RYR2: variants seen among roughly 807,000 people sequenced by gnomAD.
RYR2 encodes ryanodine receptor 2.
RYR2 carries 227 observed loss-of-function variants against 601.1 expected under a neutral mutation model. The ratio of observed to expected loss-of-function variants is 0.38; its 90% CI spans 0.34 to 0.42. The LOEUF (loss-of-function observed/expected upper bound fraction) is 0.42. RYR2 is among the 10% of genes least tolerant of loss of function. The pLI is 1.00. For synonymous variants in RYR2, 2,223 were observed against 2,175.1 expected (o/e 1.02, Z -0.61); for missense variants, 4,646 against 6,156.5 (o/e 0.75, Z 8.21).
At chr1:237,126,195 C>A (rs1476982147) in intron 1 of RYR2, among the ~76,000 whole-genome samples, 1 of 151,632 alleles carries the variant, frequency 6.6e-6, no homozygotes, top group Non-Finnish European at 1.5e-5. Flanking sequence ...CGAGATCATG[C>A]CACTGTACTC....
intron 63 of RYR2, among the ~76,000 whole-genome samples, chr1:237,691,851 C>T (rs1686972199): frequency 6.6e-6 from 1 of 152,162 alleles, no homozygotes; most frequent in South Asian, 2.1e-4. Flanking sequence ...CCAGGTAGGA[C>T]ATAAATAGGA....
intron 29 of RYR2, 62 bp downstream of exon 29, chr1:237,569,381 G>A (rs1672424971): frequency 5.3e-6 from 8 of 1,521,018 alleles, no homozygotes; most frequent in Admixed American, 1.9e-5. Context: ...TTCATCCTGA[G>A]GCTTCCTAAC....
At chr1:237,822,541 A>G (rs2819738) in intron 101 of RYR2, among the ~76,000 whole-genome samples, 39,970 of 152,090 alleles carry the variant, frequency 0.26, 5,710 homozygotes, top group East Asian at 0.61. Flanking sequence ...ATTAAACATG[A>G]AAAGGAACAA....
intron 1 of RYR2, among the ~76,000 whole-genome samples, chr1:237,071,530 A>T (rs1458421283): frequency 6.6e-6 from 1 of 152,134 alleles, no homozygotes; most frequent in East Asian, 1.9e-4. Flanking sequence ...GGCCGAGTCC[A>T]GGGTTTTTAT....
intron 1 of RYR2, among the ~76,000 whole-genome samples, chr1:237,134,609 A>G (rs1672554924): frequency 6.6e-6 from 1 of 152,218 alleles, no homozygotes; most frequent in South Asian, 2.1e-4. Flanking sequence ...CTACAATTCA[A>G]GATGAGATTT....
chr1:237,563,481 T>C (rs1671667263), intron 27 of RYR2, among the ~76,000 whole-genome samples: 1 of 151,896 alleles, frequency 6.6e-6, no homozygotes. Context: ...AGTCCTTTTT[T>C]TTTTGTGAAG....
chr1:237,044,110 C>T (rs1660258743), intron 1 of RYR2, among the ~76,000 whole-genome samples: 2 of 152,160 alleles, frequency 1.3e-5, no homozygotes, highest in South Asian at 4.2e-4. Flanking sequence ...AGAGCCTCTT[C>T]ACTAATACCT....
At position 237,775,906 on chromosome 1, in the gene RYR2, C is replaced by T. The variant is rs911320004; in HGVS notation, c.11775+2258C>T. 3.3e-5 allele frequency among the ~76,000 whole-genome samples: 5 copies of T among 152,256 alleles called. No individual in the cohort carries two copies. In the South Asian group the frequency reaches 1.0e-3, roughly 32 times the overall value. ...AAGGTTGAGCAAGCCCTGCAAAGGA[C>T]ATTCTGTGTGTTTCAGGTTTTAAAA... On this transcript the variant is annotated intron_variant, in intron 87 of 104. Coordinates refer to ENST00000366574, the MANE Select transcript of RYR2 (RefSeq NM_001035.3).
chr1:237,711,741 T>C lies in RYR2; in HGVS notation c.10231-4T>C, dbSNP rs117180147. The C allele has an allele frequency of 2.7e-4, 411 of 1,538,886 alleles. 6 individuals carry two copies. In the East Asian group the frequency reaches 5.7e-3, roughly 21 times the overall value. On this transcript the variant is annotated splice_polypyrimidine_tract_variant and splice_region_variant and intron_variant, in intron 70 of 104. Coordinates refer to ENST00000366574, the MANE Select transcript of RYR2 (RefSeq NM_001035.3). ...TAACTGAAATTTCCTTTGCAACTTC[T>C]CAGAATTTCAAAAGAGAAGAGCAGA... is the stretch of plus-strand genomic sequence containing the variant.
intron 1 of RYR2, among the ~76,000 whole-genome samples, chr1:237,178,453 T>C (rs1678319480): frequency 6.7e-6 from 1 of 149,094 alleles, no homozygotes; most frequent in Non-Finnish European, 1.5e-5. Flanking sequence ...TGTGTGTGTG[T>C]GTGTGTGTGT....
chr1:237,538,287 C>T (rs549025345), intron 25 of RYR2, among the ~76,000 whole-genome samples: 1 of 147,642 alleles, frequency 6.8e-6, no homozygotes, highest in Admixed American at 6.8e-5. Context: ...CCCAGCCACT[C>T]GGGAGGCTGA....
chr1:237,533,934 AATG>A (rs1479607927), intron 25 of RYR2, among the ~76,000 whole-genome samples: 2 of 152,088 alleles, frequency 1.3e-5, no homozygotes, highest in African/African-American at 4.8e-5. Context: ...GTTATTTTAT[AATG>A]ATTTTTTAAA....
chr1:237,607,865 T>C (rs1031505928), intron 35 of RYR2, among the ~76,000 whole-genome samples: 1 of 152,208 alleles, frequency 6.6e-6, no homozygotes, highest in Non-Finnish European at 1.5e-5. Flanking sequence ...TTATTTGAGC[T>C]CAGTTTCTGC....
In RYR2 at chr1:237,090,042, A is replaced by G. The variant is rs192998772; in HGVS notation, c.48+47473A>G. On this transcript the variant is annotated intron_variant, in intron 1 of 104. Coordinates refer to ENST00000366574, the MANE Select transcript of RYR2 (RefSeq NM_001035.3). ...ACCTCTTCACAGGGCGGCAGGAGAG[A>G]GAATGAGTGCTGAGTGAAGGCAGGA... 4.3e-4 allele frequency among the ~76,000 whole-genome samples: 65 copies of G among 152,282 alleles called. 2 individuals carry two copies. In the East Asian group the frequency reaches 0.011, roughly 25 times the overall value.
intron 7 of RYR2, among the ~76,000 whole-genome samples, chr1:237,376,412 C>T (rs1410836370): frequency 6.6e-6 from 1 of 152,054 alleles, no homozygotes; most frequent in Admixed American, 6.5e-5. Context: ...CAAAACATAC[C>T]AAGTCCCACT....
intron 1 of RYR2, among the ~76,000 whole-genome samples, chr1:237,194,964 A>C (rs749276230): frequency 1.3e-5 from 2 of 152,176 alleles, no homozygotes; most frequent in Non-Finnish European, 2.9e-5. Flanking sequence ...ATGTGTGTAC[A>C]AGTGGCTCAC....
intron 2 of RYR2, among the ~76,000 whole-genome samples, chr1:237,304,206 C>A (rs886743395): frequency 2.0e-5 from 3 of 152,160 alleles, no homozygotes; most frequent in African/African-American, 7.2e-5. Context: ...GTGTTCATTT[C>A]TTACCTTGGA....
intron 17 of RYR2, among the ~76,000 whole-genome samples, chr1:237,481,115 T>TATGTATATATATATATATGTATATAC (rs1662029786): frequency 1.3e-5 from 1 of 74,886 alleles, no homozygotes; most frequent in African/African-American, 1.2e-4. Flanking sequence ...TACATATATA[T>TATGTATATATATATATATGTATATAC]ATATATATAT....
At chr1:237,080,492 A>T (rs900441857) in intron 1 of RYR2, among the ~76,000 whole-genome samples, 3 of 70,340 alleles carry the variant, frequency 4.3e-5, no homozygotes, top group African/African-American at 1.5e-4. Flanking sequence ...CACTTCTCAA[A>T]AGAAGACATT....
Sources: gnomAD v4.1 joint callset for allele counts (sites outside exome capture counted in the v4.1 genomes callset) on GRCh38, gnomAD v4.1.1 for gene constraint, MANE v1.5 for transcripts, NCBI Gene and HGNC (gene_info 2026-07-23, HGNC 2026-07-21) for gene names.